RASA2: variants seen among roughly 807,000 people sequenced by gnomAD.
RASA2 encodes ras GTPase-activating protein 2.
RASA2 carries 155 observed loss-of-function variants against 118.2 expected under a neutral mutation model. The observed-to-expected ratio is 1.31, with a 90% CI of 1.15 to 1.50. The LOEUF (loss-of-function observed/expected upper bound fraction) is 1.50. RASA2 is among the 40% of genes most tolerant of loss of function. The pLI is 0.00. For missense variants in RASA2, 1,016 were observed against 1,009.6 expected, an observed-to-expected ratio of 1.01 and a Z score of -0.09; for synonymous variants, 353 against 349.1, an observed-to-expected ratio of 1.01 and a Z score of -0.12.
intron 5 of RASA2, among the ~76,000 whole-genome samples, chr3:141,548,087 C>T (rs1211100888): frequency 2.0e-5 from 3 of 151,998 alleles, no homozygotes; most frequent in Non-Finnish European, 2.9e-5. Flanking sequence ...TGGGTTTGCT[C>T]ATATTTTGTT....
chr3:141,557,991 A>G (rs1230739523), intron 7 of RASA2, among the ~76,000 whole-genome samples: 1 of 152,176 alleles, frequency 6.6e-6, no homozygotes, highest in African/African-American at 2.4e-5. Context: ...AATATGAGTG[A>G]TAGTTATTGA....
At chr3:141,519,135 C>T (rs1186145123) in intron 3 of RASA2, among the ~76,000 whole-genome samples, 1 of 152,062 alleles carries the variant, frequency 6.6e-6, no homozygotes, top group Non-Finnish European at 1.5e-5. Context: ...TTTATGATTT[C>T]CTCTGTAAAT....
chr3:141,547,336 G>A (rs2082500097), intron 5 of RASA2, among the ~76,000 whole-genome samples: 1 of 151,988 alleles, frequency 6.6e-6, no homozygotes, highest in Non-Finnish European at 1.5e-5. Context: ...CCATGAACTT[G>A]GAATATCTTT....
chr3:141,558,937 G>A lies in RASA2; in HGVS notation c.736G>A (p.Glu246Lys). ...AAAGTCCCAGTTCCAGGTAGAAGAG[G>A]AGGACATTGAAAAGCTAGAAATCAG... ...TRKSQFQVEEEDIEKLEIRID... is the reference protein window; with the variant it reads ...TRKSQFQVEEKDIEKLEIRID... The change falls in exon 8 of 24, where the codon GAG (glutamate) becomes AAG (lysine). Residue 246 changes from glutamate (E) to lysine (K), a missense_variant. This residue lies in a region of RASA2 where 896 missense variants were observed against 836.4 expected (regional missense o/e 1.07). Transcript: ENST00000286364. The A allele has an allele frequency of 1.2e-6, 2 of 1,606,686 alleles. No individual in the cohort carries two copies. Among genetic ancestry groups the A allele is most frequent in the Non-Finnish European group, 1.7e-6 (2 of 1,174,062 alleles).
chr3:141,529,612 A>C (rs576261212), intron 3 of RASA2, 96 bp from the exon 4 acceptor site: 1 of 743,094 alleles, frequency 1.3e-6, no homozygotes, highest in African/African-American at 1.8e-5. Context: ...AATCATTTTA[A>C]AATATTTTCT....
chr3:141,553,421 ATTC>A (rs1338618192), intron 5 of RASA2, among the ~76,000 whole-genome samples: 1 of 142,094 alleles, frequency 7.0e-6, no homozygotes. Flanking sequence ...TGAATTTCTT[ATTC>A]TTATTTTTTT....
rs565293113 is a variant in RASA2, at chr3:141,561,892, A to G, written c.863+1897A>G. On this transcript the variant is annotated intron_variant, in intron 9 of 23. Transcript: ENST00000286364. ...TTAGACTAGATGAATATTTGATATGATTTAGCTTTCCAGTTTGTTAATTTT... is the reference window on the plus strand; with the variant it reads ...TTAGACTAGATGAATATTTGATATGGTTTAGCTTTCCAGTTTGTTAATTTT... 2.0e-5 allele frequency among the ~76,000 whole-genome samples: 3 copies of G among 152,228 alleles called. No homozygotes were observed. In the South Asian group the frequency reaches 6.2e-4, roughly 32 times the overall value.
chr3:141,500,434 G>A (rs1485063544), intron 1 of RASA2, among the ~76,000 whole-genome samples: 1 of 152,134 alleles, frequency 6.6e-6, no homozygotes, highest in Non-Finnish European at 1.5e-5. Context: ...TGTGAAAACT[G>A]ATTAAATGAT....
At chr3:141,526,874 C>T (rs1241773915) in intron 3 of RASA2, among the ~76,000 whole-genome samples, 1 of 152,174 alleles carries the variant, frequency 6.6e-6, no homozygotes, top group Non-Finnish European at 1.5e-5. Context: ...TGTCATGATA[C>T]TCATGATGCA....
intron 8 of RASA2, 86 bp from the exon 9 acceptor site, chr3:141,559,808 C>T: frequency 1.9e-6 from 2 of 1,071,402 alleles, no homozygotes; most frequent in East Asian, 2.5e-5. Flanking sequence ...TGCTGTAATA[C>T]AGATCAAAGT....
intron 5 of RASA2, among the ~76,000 whole-genome samples, chr3:141,546,780 A>G (rs891666619): frequency 2.0e-5 from 3 of 152,162 alleles, no homozygotes; most frequent in Non-Finnish European, 2.9e-5. Flanking sequence ...GTCTAGTCCA[A>G]TGTCCTGGAG....
chr3:141,586,927 TTA>T (rs1484256388), intron 19 of RASA2, 175 bp downstream of exon 19: 1 of 661,154 alleles, frequency 1.5e-6, no homozygotes, highest in Non-Finnish European at 2.8e-6. Flanking sequence ...CCCATGTATA[TTA>T]TGTTTTTCTC....
At position 141,613,037 on chromosome 3, in the gene RASA2, AAT is replaced by A. The variant is rs2083676036; in HGVS notation, c.*726_*727del. ...CACTGAAATTGTTTTCATTGTTTTA[AAT>A]ACCAGGTACTCATTTTCTTGATTTG... On this transcript the variant is annotated 3_prime_UTR_variant, in exon 24 of 24. Coordinates refer to ENST00000286364, the MANE Select transcript of RASA2 (RefSeq NM_006506.5). The A allele has an allele frequency of 1.3e-5, 2 of 152,240 alleles. No individual in the cohort carries two copies. The highest frequency in any genetic ancestry group is 1.3e-4 in the Admixed American group (2 of 15,282). The allele number at this position is 152,240 out of a possible 1,614,324, so 9.4% of individuals were successfully genotyped here.
intron 3 of RASA2, among the ~76,000 whole-genome samples, chr3:141,524,944 A>AC (rs1034919732): frequency 6.6e-6 from 1 of 152,124 alleles, no homozygotes; most frequent in Admixed American, 6.6e-5. Flanking sequence ...TCAAGTAGGA[A>AC]CAGGACTATC....
At chr3:141,565,911 G>C (rs568427476) in intron 9 of RASA2, among the ~76,000 whole-genome samples, 55 of 152,154 alleles carry the variant, frequency 3.6e-4, no homozygotes, top group Non-Finnish European at 6.9e-4. Flanking sequence ...TCTTTTGTGG[G>C]ATAGTGATGT....
chr3:141,553,680 A>G (rs1487081735), intron 5 of RASA2, among the ~76,000 whole-genome samples, 177 bp from the exon 6 acceptor site: 2 of 152,234 alleles, frequency 1.3e-5, no homozygotes, highest in Non-Finnish European at 2.9e-5. Context: ...AAATGCATAC[A>G]TACATATGTC....
At chr3:141,611,057 G>A (rs1046542672) in intron 23 of RASA2, among the ~76,000 whole-genome samples, 1 of 152,186 alleles carries the variant, frequency 6.6e-6, no homozygotes, top group African/African-American at 2.4e-5. Context: ...AAGGGGCACT[G>A]TGCTTATAGT....
intron 5 of RASA2, among the ~76,000 whole-genome samples, chr3:141,546,732 C>CT (rs1419704332): frequency 6.6e-6 from 1 of 152,154 alleles, no homozygotes; most frequent in Non-Finnish European, 1.5e-5. Flanking sequence ...GTTGCCTGTG[C>CT]TTGTGTGCTT....
At chr3:141,487,891 C>G (rs534186033) in intron 1 of RASA2, among the ~76,000 whole-genome samples, 1 of 152,156 alleles carries the variant, frequency 6.6e-6, no homozygotes, top group Non-Finnish European at 1.5e-5. Flanking sequence ...GCGGCCGGGA[C>G]TTGAATCGAG....
Sources: allele counts gnomAD v4.1 joint callset (sites outside exome capture counted in the v4.1 genomes callset), GRCh38; gene constraint gnomAD v4.1.1; regional missense constraint gnomAD v4.1.1; transcripts MANE v1.5; gene names NCBI Gene and HGNC (gene_info 2026-07-23, HGNC 2026-07-21).